Variants in CRY2 observed in about 807,000 individuals in gnomAD.
CRY2 encodes cryptochrome-2.
Under a neutral mutation model 69.5 loss-of-function variants are expected in CRY2, and 31 were observed. The ratio of observed to expected loss-of-function variants is 0.45; its 90% confidence interval spans 0.34 to 0.60. The LOEUF (loss-of-function observed/expected upper bound fraction) is 0.60. Ranked by LOEUF, CRY2 falls within the 20% of genes least tolerant of loss-of-function variation. The pLI, the probability that CRY2 is intolerant of heterozygous loss-of-function variation, is 0.02. For synonymous variants in CRY2, 303 were observed against 312.2 expected (o/e 0.97, Z 0.31); for missense variants, 606 against 797.8 (o/e 0.76, Z 2.90).
In CRY2 at chr11:45,870,833, C is replaced by T. The variant is rs377398359; in HGVS notation, c.1550-9C>T. ...ACGGCACTCTGATTACTCCTCGCCT[C>T]TCTCCCAGGTCTACTGGCATCTGTC... On this transcript the variant is annotated splice_polypyrimidine_tract_variant and intron_variant, in intron 9 of 11. Coordinates refer to ENST00000616080, the MANE Select transcript of CRY2 (RefSeq NM_021117.5). 3.1e-6 allele frequency: 5 copies of T among 1,611,150 alleles called. No homozygotes were observed. Among genetic ancestry groups the T allele is most frequent in the African/African-American group, 2.7e-5 (2 of 74,908 alleles).
rs775874407 is a variant in CRY2 at position 45,858,856 on chromosome 11, C to G, written c.450C>G (p.Thr150=). ...AAGTAGTGACGGAGAATTCTCATAC[C>G]CTCTATGACCTGGACAGGTAAGAGA... ...GVEVVTENSH[T]LYDLDRIIEL... Residue 150 remains threonine, a synonymous_variant, in exon 3 of 12, where the codon ACC becomes ACG. Transcript: ENST00000616080. 1.2e-6 allele frequency: 2 copies of G among 1,613,756 alleles called. No individual in the cohort carries two copies. The highest frequency in any genetic ancestry group is 4.5e-5 in the East Asian group (2 of 44,894).
rs551665947 is a variant in CRY2 at position 45,876,212 on chromosome 11, GA to G, written c.*2+3980del. On this transcript the variant is annotated intron_variant, in intron 11 of 11. Coordinates refer to ENST00000616080, the MANE Select transcript of CRY2 (RefSeq NM_021117.5). Reference sequence around the variant, plus strand: ...CTGAAGGCTACATCCTGGGCCTTTTGAGGTCTCCTTTAGCTCTGAGCTCTAT... The same window carrying G: ...CTGAAGGCTACATCCTGGGCCTTTTGGGTCTCCTTTAGCTCTGAGCTCTAT... Among the ~76,000 whole-genome samples the G allele has an allele frequency of 9.2e-5, 14 of 152,198 alleles. No individual in the cohort carries two copies. In the South Asian group the frequency reaches 2.9e-3, roughly 32 times the overall value.
chr11:45,875,886 A>G (rs1590773571), intron 11 of CRY2, among the ~76,000 whole-genome samples: 2 of 152,240 alleles, frequency 1.3e-5, no homozygotes, highest in Non-Finnish European at 2.9e-5. Context: ...TTGAATATGT[A>G]AAATGCACTA....
At chr11:45,869,928 C>A in intron 7 of CRY2, 111 bp downstream of exon 7, 2 of 1,509,934 alleles carry the variant, frequency 1.3e-6, no homozygotes, top group South Asian at 1.3e-5. Context: ...CCAGGAGATC[C>A]CCTCCAGATC....
rs551681371 is a variant in CRY2 at position 45,871,104 on chromosome 11, G to A, written c.1642+170G>A. Reference sequence around the variant, plus strand: ...ATCATTTCAGATAACAAGTGCTTTGGAGGAAAAGAAAGTTGAGTATCTTGA... The same window carrying A: ...ATCATTTCAGATAACAAGTGCTTTGAAGGAAAAGAAAGTTGAGTATCTTGA... On this transcript the variant is annotated intron_variant, in intron 10 of 11. Coordinates refer to ENST00000616080, the MANE Select transcript of CRY2 (RefSeq NM_021117.5). Among the ~76,000 whole-genome samples, 3 of 152,336 alleles carry A rather than the reference G, an allele frequency of 2.0e-5. No homozygotes were observed. In the South Asian group the frequency reaches 6.2e-4, roughly 32 times the overall value.
Position 45,861,008 on chromosome 11 carries a change from G to A in CRY2, c.628G>A (p.Gly210Ser), listed in dbSNP as rs755957971. The A allele has an allele frequency of 1.8e-5, 29 of 1,613,288 alleles. No homozygotes were observed. The highest frequency in any genetic ancestry group is 4.5e-5 in the East Asian group (2 of 44,896). Residue 210 changes from glycine to serine, a missense_variant, in exon 4 of 12, where the codon GGC becomes AGC. Gly to Ser is a moderately conservative substitution (Grantham distance 56). Transcript: ENST00000616080. ...CCAGGAGAACCACGACGAGACCTACGGCGTGCCCTCCCTGGAGGAGCTGGG... is the reference window on the plus strand; with the variant it reads ...CCAGGAGAACCACGACGAGACCTACAGCGTGCCCTCCCTGGAGGAGCTGGG... ...EIQENHDETY[G>S]VPSLEELGFP...
chr11:45,871,139 T>C (rs1277892808), intron 10 of CRY2, among the ~76,000 whole-genome samples: 1 of 152,034 alleles, frequency 6.6e-6, no homozygotes, highest in Non-Finnish European at 1.5e-5. Context: ...ACAGAGGGAC[T>C]GGGAAAGAAG....
At chr11:45,853,783 T>C (rs1392422953) in intron 1 of CRY2, among the ~76,000 whole-genome samples, 5 of 152,226 alleles carry the variant, frequency 3.3e-5, no homozygotes, top group East Asian at 1.9e-4. Context: ...GTGGTGAGGC[T>C]TGGGGGAGGC....
At position 45,865,023 on chromosome 11, in the gene CRY2, G is replaced by C. The variant is rs371106754; in HGVS notation, c.742-2589G>C. Among the ~76,000 whole-genome samples the C allele has an allele frequency of 2.9e-4, 44 of 151,906 alleles. No individual in the cohort carries two copies. In the East Asian group the frequency reaches 4.9e-3, roughly 17 times the overall value. Reference sequence around the variant, plus strand: ...GATCCTCCTGCCTCAGCCTCCCAAAGTGCTGGAATTACAGGCATGAGCCAC... The same window carrying C: ...GATCCTCCTGCCTCAGCCTCCCAAACTGCTGGAATTACAGGCATGAGCCAC... On this transcript the variant is annotated intron_variant, in intron 5 of 11. Coordinates refer to ENST00000616080, the MANE Select transcript of CRY2 (RefSeq NM_021117.5).
rs1299292064 is a variant in CRY2 at position 45,847,477 on chromosome 11, C to A, written c.-14C>A. ...CGGGGCGGAGCGGGGGTGGCTGGAG[C>A]AGTCTGGACAGTCATGGCGGCGACT... On this transcript the variant is annotated 5_prime_UTR_variant, in exon 1 of 12. Transcript: ENST00000616080. The A allele has an allele frequency of 6.3e-7, 1 of 1,598,792 alleles. No homozygotes were observed. Among genetic ancestry groups the A allele is most frequent in the Non-Finnish European group, 8.5e-7 (1 of 1,176,034 alleles).
chr11:45,849,159 A>T (rs2086174639), intron 1 of CRY2, among the ~76,000 whole-genome samples: 1 of 151,980 alleles, frequency 6.6e-6, no homozygotes, highest in East Asian at 1.9e-4. Flanking sequence ...CTCTTTTTTG[A>T]TAGGGAAGAT....
chr11:45,864,066 G>T (rs2086310498), intron 5 of CRY2, among the ~76,000 whole-genome samples: 1 of 152,172 alleles, frequency 6.6e-6, no homozygotes, highest in Admixed American at 6.5e-5. Context: ...ATAGAAGGAG[G>T]CAAGCATTAT....
Position 45,870,939 on chromosome 11 carries a change from G to T in CRY2, c.1642+5G>T. ...CTGGCAGCATGAGCAGTGCAGGTGA[G>T]CAGCAGCAACCAACCTCCTGTGGCC... is the stretch of plus-strand genomic sequence containing the variant. On this transcript the variant is annotated splice_donor_5th_base_variant and intron_variant, in intron 10 of 11. Transcript: ENST00000616080. 6.2e-7 allele frequency: 1 copy of T among 1,608,040 alleles called. No homozygotes were observed.
chr11:45,871,478 A>G (rs1481324014), intron 10 of CRY2, among the ~76,000 whole-genome samples: 1 of 152,148 alleles, frequency 6.6e-6, no homozygotes, highest in Non-Finnish European at 1.5e-5. Flanking sequence ...AGGGCAGGGC[A>G]TGATTGGACT....
At chr11:45,871,798 A>G (rs898615126) in intron 10 of CRY2, among the ~76,000 whole-genome samples, 1 of 152,224 alleles carries the variant, frequency 6.6e-6, no homozygotes, top group Non-Finnish European at 1.5e-5. Context: ...GGAATGCCTC[A>G]CCTTCAAAGC....
chr11:45,850,511 A>G (rs1348071997), intron 1 of CRY2, among the ~76,000 whole-genome samples: 1 of 152,148 alleles, frequency 6.6e-6, no homozygotes, highest in Non-Finnish European at 1.5e-5. Flanking sequence ...CTGGAAACAG[A>G]CACACTCCTA....
chr11:45,877,014 A>G (rs2086429406), intron 11 of CRY2, among the ~76,000 whole-genome samples: 1 of 152,216 alleles, frequency 6.6e-6, no homozygotes, highest in African/African-American at 2.4e-5. Flanking sequence ...AATCAGAGGC[A>G]GGATTCTCTG....
At chr11:45,867,854 C>A in intron 6 of CRY2, 102 bp downstream of exon 6, 2 of 1,502,466 alleles carry the variant, frequency 1.3e-6, no homozygotes, top group South Asian at 1.2e-5. Context: ...GGGGGTTGGG[C>A]TATGGCCCCT....
At chr11:45,879,609 G>T (rs1240834498) in intron 11 of CRY2, among the ~76,000 whole-genome samples, 1 of 152,020 alleles carries the variant, frequency 6.6e-6, no homozygotes, top group East Asian at 1.9e-4. Flanking sequence ...TCCTTTTTTG[G>T]CTCTGCCACT....
Sources: gnomAD v4.1 joint callset for allele counts (sites outside exome capture counted in the v4.1 genomes callset) on GRCh38, gnomAD v4.1.1 for gene constraint, MANE v1.5 for transcripts, NCBI Gene and HGNC (gene_info 2026-07-23, HGNC 2026-07-21) for gene names.